The following ANO3 variants were observed in gnomAD, a reference collection of about 807,000 sequenced individuals.
ANO3 encodes anoctamin-3.
In ANO3, 99 loss-of-function variants were observed where a neutral mutation model predicts 144.8. That is an observed-to-expected ratio of 0.68 (90% CI 0.58 to 0.81). ANO3 has a LOEUF of 0.81. Ranked by LOEUF, ANO3 falls within the 30% of genes least tolerant of loss-of-function variation. The pLI is 0.00. For missense variants in ANO3, 905 were observed against 1,202.2 expected (o/e 0.75, Z 3.66); for synonymous variants, 414 against 392.6 (o/e 1.05, Z -0.64).
At chr11:26,635,496 A>G (rs1482351187) in intron 20 of ANO3, among the ~76,000 whole-genome samples, 2 of 152,162 alleles carry the variant, frequency 1.3e-5, no homozygotes, top group Non-Finnish European at 2.9e-5. Context: ...GATTTACAAT[A>G]TGTATGTTAT....
intron 1 of ANO3, among the ~76,000 whole-genome samples, chr11:26,255,572 T>C (rs1853038624): frequency 6.6e-6 from 1 of 152,066 alleles, no homozygotes; most frequent in African/African-American, 2.4e-5. Context: ...CACAGCTAGA[T>C]AAGAGCCCAA....
At chr11:26,622,466 C>G (rs1445942569) in intron 17 of ANO3, among the ~76,000 whole-genome samples, 4 of 150,230 alleles carry the variant, frequency 2.7e-5, no homozygotes, top group Non-Finnish European at 5.9e-5. Context: ...AGCCAGGCAT[C>G]ATAGTGGTGT....
chr11:26,261,948 G>A (rs921988558), intron 1 of ANO3, among the ~76,000 whole-genome samples: 1 of 152,178 alleles, frequency 6.6e-6, no homozygotes, highest in Non-Finnish European at 1.5e-5. Context: ...AGCTGTAAAA[G>A]GCTGGTCAGT....
chr11:26,582,311 A>G (rs1851155938), intron 14 of ANO3, among the ~76,000 whole-genome samples: 1 of 152,244 alleles, frequency 6.6e-6, no homozygotes, highest in African/African-American at 2.4e-5. Context: ...ATTCTAACTG[A>G]GGTACTATAT....
At chr11:26,537,972 G>A (rs1269658344) in intron 10 of ANO3, among the ~76,000 whole-genome samples, 3 of 152,078 alleles carry the variant, frequency 2.0e-5, no homozygotes, top group Non-Finnish European at 4.4e-5. Context: ...TTTATTCCCT[G>A]ACCTCTTTCT....
intron 1 of ANO3, among the ~76,000 whole-genome samples, chr11:26,428,179 G>A (rs1463308804): frequency 6.6e-6 from 1 of 152,188 alleles, no homozygotes; most frequent in Admixed American, 6.6e-5. Flanking sequence ...ATGTATATAT[G>A]TGTCTGCATT....
At chr11:26,495,100 T>C (rs1860878141) in intron 4 of ANO3, among the ~76,000 whole-genome samples, 1 of 150,074 alleles carries the variant, frequency 6.7e-6, no homozygotes, top group East Asian at 2.0e-4. Context: ...TATTTATTTA[T>C]TTATTTATTT....
intron 14 of ANO3, among the ~76,000 whole-genome samples, chr11:26,570,381 C>T (rs747177093): frequency 6.6e-6 from 1 of 151,950 alleles, no homozygotes; most frequent in Non-Finnish European, 1.5e-5. Context: ...TTTTTGCTTC[C>T]TTTTAAATGC....
intron 1 of ANO3, among the ~76,000 whole-genome samples, chr11:26,226,855 T>C (rs1262463834): frequency 6.6e-6 from 1 of 152,166 alleles, no homozygotes; most frequent in East Asian, 1.9e-4. Flanking sequence ...ACATTCACAT[T>C]GTTGTACAGC....
chr11:26,588,560 A>G (rs957592328), intron 14 of ANO3, among the ~76,000 whole-genome samples: 6 of 152,204 alleles, frequency 3.9e-5, no homozygotes, highest in African/African-American at 7.2e-5. Context: ...ATTCAAGATT[A>G]CCTTTATTTT....
intron 1 of ANO3, 144 bp from the exon 2 acceptor site, chr11:26,441,774 C>G (rs1858530416): frequency 1.7e-6 from 1 of 577,764 alleles, no homozygotes; most frequent in Non-Finnish European, 3.0e-6. Context: ...AAAACATAAA[C>G]AAGACTAACT....
intron 1 of ANO3, among the ~76,000 whole-genome samples, chr11:26,375,321 C>T (rs566232770): frequency 4.6e-5 from 7 of 152,180 alleles, no homozygotes; most frequent in African/African-American, 1.7e-4. Flanking sequence ...CTCACCTCCT[C>T]CTCTGCTGCC....
rs556329435 is a variant in ANO3 at position 26,553,052 on chromosome 11, T to A, written c.1290-197T>A. 3.1e-3 allele frequency among the ~76,000 whole-genome samples: 471 copies of A among 152,276 alleles called. 5 individuals carry two copies. Among genetic ancestry groups the A allele is most frequent in the African/African-American group, 0.01 (429 of 41,570 alleles). On this transcript the variant is annotated intron_variant, in intron 12 of 26. Transcript: ENST00000256737. ...TAAAATTAAAGAAGGAATCCCAAACTTTTGCATCACAAATATTCTAAAGTG... is the reference window on the plus strand; with the variant it reads ...TAAAATTAAAGAAGGAATCCCAAACATTTGCATCACAAATATTCTAAAGTG...
At chr11:26,294,889 T>A (rs78903790) in intron 1 of ANO3, among the ~76,000 whole-genome samples, 6,618 of 152,224 alleles carry the variant, frequency 0.043, 484 homozygotes, top group African/African-American at 0.15. Context: ...CTTCTTTTTT[T>A]AAATGTATTT....
chr11:26,298,793 A>G (rs1461149577), intron 1 of ANO3, among the ~76,000 whole-genome samples: 21 of 152,184 alleles, frequency 1.4e-4, no homozygotes, highest in Admixed American at 1.3e-3. Context: ...CATACTTGAA[A>G]GTAGAATGAA....
At chr11:26,193,359 C>T (rs1272866320) in intron 1 of ANO3, among the ~76,000 whole-genome samples, 2 of 152,060 alleles carry the variant, frequency 1.3e-5, no homozygotes, top group Non-Finnish European at 2.9e-5. Context: ...TCATGCTGGT[C>T]TCAAACTCCT....
At chr11:26,318,356 A>G (rs1590256557) in intron 1 of ANO3, among the ~76,000 whole-genome samples, 1 of 152,206 alleles carries the variant, frequency 6.6e-6, no homozygotes, top group African/African-American at 2.4e-5. Flanking sequence ...AGCAATTAAC[A>G]GAATGCAATT....
At chr11:26,302,337 A>T (rs1457295567) in intron 1 of ANO3, among the ~76,000 whole-genome samples, 4 of 152,172 alleles carry the variant, frequency 2.6e-5, no homozygotes, top group African/African-American at 7.2e-5. Context: ...TTTACTAAAA[A>T]TACAAAAAAT....
intron 21 of ANO3, among the ~76,000 whole-genome samples, chr11:26,641,111 A>G (rs1200467392): frequency 6.6e-6 from 1 of 152,210 alleles, no homozygotes; most frequent in Non-Finnish European, 1.5e-5. Flanking sequence ...AGGCCACAAT[A>G]TGTGCATACC....
Sources: allele counts gnomAD v4.1 joint callset (sites outside exome capture counted in the v4.1 genomes callset), GRCh38; gene constraint gnomAD v4.1.1; transcripts MANE v1.5; gene names NCBI Gene and HGNC (gene_info 2026-07-23, HGNC 2026-07-21).